Variants in TOP6BL observed in about 807,000 individuals in gnomAD.
TOP6BL encodes the protein type 2 DNA topoisomerase 6 subunit B-like.
At chr11:66,788,875 C>G in the TOP6BL span, among the ~76,000 whole-genome samples, 1 of 152,140 alleles carries the variant, frequency 6.6e-6, no homozygotes, top group Non-Finnish European at 1.5e-5. Context: ...CTCAGCCTGC[C>G]GAGTAGCTGG....
At chr11:66,775,386 C>T in the TOP6BL span, among the ~76,000 whole-genome samples, 136 of 152,234 alleles carry the variant, frequency 8.9e-4, no homozygotes, top group Middle Eastern at 0.01. Context: ...CTTTAGAGAC[C>T]ATTTTGCCAG....
At chr11:66,757,140 C>G in the TOP6BL span, among the ~76,000 whole-genome samples, 1 of 151,808 alleles carries the variant, frequency 6.6e-6, no homozygotes, top group African/African-American at 2.4e-5. Context: ...GTCAGGAGTT[C>G]GAGACCAGCC....
the TOP6BL span, chr11:66,838,222 G>T: frequency 1.7e-5 from 11 of 644,328 alleles, no homozygotes; most frequent in Non-Finnish European, 2.7e-5. Flanking sequence ...GTGGGTAGGG[G>T]GATTCATGAG....
At chr11:66,830,742 C>G in the TOP6BL span, among the ~76,000 whole-genome samples, 1 of 152,122 alleles carries the variant, frequency 6.6e-6, no homozygotes, top group Non-Finnish European at 1.5e-5. Flanking sequence ...ATATTTTGAA[C>G]AAGTTTACAG....
the TOP6BL span, chr11:66,744,787 A>C: frequency 1.6e-6 from 2 of 1,255,890 alleles, no homozygotes; most frequent in African/African-American, 1.6e-5. Context: ...GGGCGTGGGC[A>C]CTGGCGGAGT....
the TOP6BL span, among the ~76,000 whole-genome samples, chr11:66,823,283 A>C: frequency 1.4e-5 from 2 of 143,200 alleles, no homozygotes; most frequent in Non-Finnish European, 3.0e-5. Context: ...GACAACAGCG[A>C]GACTCCACCT....
At chr11:66,841,753 A>T in the TOP6BL span, among the ~76,000 whole-genome samples, 1 of 152,134 alleles carries the variant, frequency 6.6e-6, no homozygotes, top group East Asian at 1.9e-4. Context: ...AGTGAGCTAC[A>T]ATCACGCCAC....
chr11:66,803,202 G>A, the TOP6BL span, among the ~76,000 whole-genome samples: 5 of 152,092 alleles, frequency 3.3e-5, no homozygotes, highest in African/African-American at 4.8e-5. Context: ...TGATTCATGG[G>A]CCCCCTCACA....
the TOP6BL span, among the ~76,000 whole-genome samples, chr11:66,827,915 A>G: frequency 1.4e-5 from 2 of 141,430 alleles, no homozygotes; most frequent in Non-Finnish European, 3.0e-5. Flanking sequence ...CAGTGAGCCA[A>G]GATTGTGCCA....
the TOP6BL span, chr11:66,843,322 C>G: frequency 2.0e-6 from 3 of 1,525,720 alleles, no homozygotes; most frequent in Admixed American, 4.1e-5. Context: ...GCGCGCTCAC[C>G]AAGTCCTCTT....
At chr11:66,744,837 C>CGGT in the TOP6BL span, 2 of 1,328,576 alleles carry the variant, frequency 1.5e-6, no homozygotes, top group Admixed American at 3.4e-5. Context: ...GCGGCGGCGG[C>CGGT]GGCGGCGGGC....
the TOP6BL span, among the ~76,000 whole-genome samples, chr11:66,777,556 A>G: frequency 2.0e-5 from 3 of 152,164 alleles, no homozygotes; most frequent in African/African-American, 7.2e-5. Flanking sequence ...AATTAACTTG[A>G]TCAAAGTCTG....
chr11:66,783,860 C>T, the TOP6BL span, among the ~76,000 whole-genome samples: 2 of 152,128 alleles, frequency 1.3e-5, no homozygotes, highest in Non-Finnish European at 2.9e-5. Flanking sequence ...GGGTCTCACT[C>T]TGTCACCCAG....
At chr11:66,765,718 G>A in the TOP6BL span, among the ~76,000 whole-genome samples, 1 of 152,270 alleles carries the variant, frequency 6.6e-6, no homozygotes, top group South Asian at 2.1e-4. Flanking sequence ...ATTTCACCAT[G>A]TTGGCCAGGC....
chr11:66,815,812 AGGAGTGCTGT>A, the TOP6BL span: 1 of 385,776 alleles, frequency 2.6e-6, no homozygotes, highest in South Asian at 6.1e-5. Context: ...AGTAATGTAA[AGGAGTGCTGT>A]TTGGCTTGCA....
chr11:66,838,211 G>A, the TOP6BL span, among the ~76,000 whole-genome samples: 1 of 152,170 alleles, frequency 6.6e-6, no homozygotes, highest in Non-Finnish European at 1.5e-5. Context: ...AAGACTGGAG[G>A]GTGGGTAGGG....
the TOP6BL span, chr11:66,801,296 A>T: frequency 1.7e-6 from 1 of 596,370 alleles, no homozygotes; most frequent in East Asian, 2.9e-5. Context: ...ATTTGAATCT[A>T]TTCTAAATGA....
the TOP6BL span, among the ~76,000 whole-genome samples, chr11:66,836,704 T>TTC: frequency 7.0e-6 from 1 of 142,982 alleles, no homozygotes; most frequent in African/African-American, 2.6e-5. Flanking sequence ...AATATGATTT[T>TTC]TTTTTTTTTT....
chr11:66,814,706 G>A, the TOP6BL span, among the ~76,000 whole-genome samples: 1 of 152,118 alleles, frequency 6.6e-6, no homozygotes, highest in South Asian at 2.1e-4. Flanking sequence ...GAGTAAGGGA[G>A]CAATGATACC....
Sources: allele counts gnomAD v4.1 joint callset (sites outside exome capture counted in the v4.1 genomes callset), GRCh38; gene constraint gnomAD v4.1.1; transcripts MANE v1.5; gene names NCBI Gene and HGNC (gene_info 2026-07-23, HGNC 2026-07-21).